The following GNG12 variants were observed in gnomAD, a reference collection of about 807,000 sequenced individuals.
GNG12 encodes the protein guanine nucleotide-binding protein G(I)/G(S)/G(O) subunit gamma-12.
For synonymous variants in GNG12, 28 were observed against 29.7 expected, an observed-to-expected ratio of 0.94 and a Z score of 0.19; for missense variants, 69 against 83.8, an observed-to-expected ratio of 0.82 and a Z score of 0.69.
intron 2 of GNG12, among the ~76,000 whole-genome samples, chr1:67,721,874 C>G (rs1646358411): frequency 6.6e-6 from 1 of 152,114 alleles, no homozygotes; most frequent in South Asian, 2.1e-4. Context: ...TTCCTGCTCT[C>G]TGCTCCCCTG....
chr1:67,708,668 G>A (rs1456408636), intron 2 of GNG12, among the ~76,000 whole-genome samples: 8 of 152,152 alleles, frequency 5.3e-5, no homozygotes, highest in Non-Finnish European at 7.3e-5. Flanking sequence ...GTGTTGCCTG[G>A]TGCCCTGACC....
At chr1:67,808,800 A>G (rs578048188) in intron 1 of GNG12, among the ~76,000 whole-genome samples, 2 of 152,308 alleles carry the variant, frequency 1.3e-5, no homozygotes, top group South Asian at 4.1e-4. Flanking sequence ...ATCTAAGAAG[A>G]TCTAAATGAA....
intron 2 of GNG12, among the ~76,000 whole-genome samples, chr1:67,709,833 T>A (rs1646271236): frequency 7.8e-6 from 1 of 128,962 alleles, no homozygotes; most frequent in Non-Finnish European, 1.6e-5. Flanking sequence ...TATAAATATA[T>A]ATATATTTGT....
At chr1:67,752,639 C>A (rs1168658887) in intron 2 of GNG12, among the ~76,000 whole-genome samples, 2 of 152,206 alleles carry the variant, frequency 1.3e-5, no homozygotes. Context: ...GTTAATACTT[C>A]TTTTCAACAC....
intron 1 of GNG12, among the ~76,000 whole-genome samples, chr1:67,825,329 A>C (rs1174562417): frequency 6.6e-6 from 1 of 152,164 alleles, no homozygotes; most frequent in African/African-American, 2.4e-5. Flanking sequence ...TTTTTTCACA[A>C]GGTGTATTGT....
chr1:67,717,282 G>A (rs984707060), intron 2 of GNG12, among the ~76,000 whole-genome samples: 2 of 152,098 alleles, frequency 1.3e-5, no homozygotes, highest in Admixed American at 6.5e-5. Context: ...TTGGGAGGCC[G>A]AGGCAGGCAG....
intron 2 of GNG12, among the ~76,000 whole-genome samples, chr1:67,766,150 C>CACA (rs1646637852): frequency 9.9e-6 from 1 of 101,486 alleles, no homozygotes; most frequent in Non-Finnish European, 2.1e-5. Flanking sequence ...ACACACACAC[C>CACA]CCTAAACAAT....
chr1:67,763,424 T>C (rs942174969), intron 2 of GNG12, among the ~76,000 whole-genome samples: 2 of 152,224 alleles, frequency 1.3e-5, no homozygotes, highest in Non-Finnish European at 2.9e-5. Context: ...GAGTAAGTGC[T>C]GGTTATTTTG....
chr1:67,803,369 T>C (rs1405376468), intron 1 of GNG12, among the ~76,000 whole-genome samples: 1 of 152,156 alleles, frequency 6.6e-6, no homozygotes, highest in Non-Finnish European at 1.5e-5. Flanking sequence ...AAAAAAATTT[T>C]TTTTAAGTTA....
intron 1 of GNG12, among the ~76,000 whole-genome samples, chr1:67,804,178 G>T (rs1336960682): frequency 6.6e-6 from 1 of 152,178 alleles, no homozygotes; most frequent in Non-Finnish European, 1.5e-5. Context: ...TGAATTCCTG[G>T]TGGAATTAAG....
chr1:67,791,630 C>G (rs993444334), intron 1 of GNG12, among the ~76,000 whole-genome samples: 1 of 152,106 alleles, frequency 6.6e-6, no homozygotes, highest in African/African-American at 2.4e-5. Context: ...TCAGCAAATC[C>G]TGTCAGCCCT....
At chr1:67,778,210 T>C (rs182731291) in intron 1 of GNG12, among the ~76,000 whole-genome samples, 1 of 152,090 alleles carries the variant, frequency 6.6e-6, no homozygotes, top group East Asian at 1.9e-4. Context: ...ATATTTAATT[T>C]AACCTAATTT....
chr1:67,785,095 TGAAGA>T (rs1451541834), intron 1 of GNG12, among the ~76,000 whole-genome samples: 1 of 143,886 alleles, frequency 6.9e-6, no homozygotes, highest in Non-Finnish European at 1.5e-5. Context: ...AAGGTAAAAG[TGAAGA>T]GAAGTATTTT....
At chr1:67,828,855 G>A (rs1480534142) in intron 1 of GNG12, among the ~76,000 whole-genome samples, 5 of 152,132 alleles carry the variant, frequency 3.3e-5, no homozygotes, top group East Asian at 1.9e-4. Flanking sequence ...CTCTTTTACC[G>A]CTAAACAATT....
At chr1:67,724,227 T>A (rs538887536) in intron 2 of GNG12, among the ~76,000 whole-genome samples, 25 of 151,966 alleles carry the variant, frequency 1.6e-4, no homozygotes, top group Admixed American at 1.6e-3. Flanking sequence ...GGGGATGAGC[T>A]CAGGACTGCG....
At chr1:67,729,450 C>T (rs3753366) in intron 2 of GNG12, among the ~76,000 whole-genome samples, 1 of 152,202 alleles carries the variant, frequency 6.6e-6, no homozygotes, top group East Asian at 1.9e-4. Flanking sequence ...AACTTTAGTT[C>T]TGTTTCTGAG....
chr1:67,754,665 C>T (rs1646557838), intron 2 of GNG12, among the ~76,000 whole-genome samples: 4 of 152,118 alleles, frequency 2.6e-5, no homozygotes, highest in Admixed American at 2.6e-4. Context: ...GTTCTGTCCA[C>T]AGTTTAGATA....
At chr1:67,767,719 T>C (rs1007247876) in intron 2 of GNG12, among the ~76,000 whole-genome samples, 12 of 152,340 alleles carry the variant, frequency 7.9e-5, no homozygotes, top group Non-Finnish European at 1.8e-4. Flanking sequence ...GATGGCAATA[T>C]CACTTACCTA....
intron 2 of GNG12, among the ~76,000 whole-genome samples, chr1:67,757,628 C>T (rs1014515300): frequency 2.0e-5 from 3 of 152,188 alleles, no homozygotes; most frequent in Non-Finnish European, 2.9e-5. Flanking sequence ...CACCTCATGC[C>T]CTCCTGCCTT....
Sources: gnomAD v4.1 joint callset for allele counts (sites outside exome capture counted in the v4.1 genomes callset) on GRCh38, gnomAD v4.1.1 for gene constraint, MANE v1.5 for transcripts, NCBI Gene and HGNC (gene_info 2026-07-23, HGNC 2026-07-21) for gene names.